PAK5: variants seen among roughly 807,000 people sequenced by gnomAD.
The protein encoded by PAK5 is p21 (RAC1) activated kinase 5, also known as serine/threonine-protein kinase PAK 5.
Under a neutral mutation model 65.9 loss-of-function variants are expected in PAK5, and 16 were observed. That is an observed-to-expected ratio of 0.24 (90% CI 0.16 to 0.37). The LOEUF is 0.37. Among genes scored for constraint, PAK5 ranks in the 10% least tolerant of loss-of-function variants. The pLI is 1.00. For synonymous variants in PAK5, 371 were observed against 354.9 expected (o/e 1.05, Z -0.51); for missense variants, 785 against 903.9 (o/e 0.87, Z 1.69).
chr20:9,783,567 C>G (rs1043750174), intron 1 of PAK5, among the ~76,000 whole-genome samples: 1 of 152,136 alleles, frequency 6.6e-6, no homozygotes, highest in African/African-American at 2.4e-5. Context: ...AAATAAATCT[C>G]AAGAAGGTTA....
At chr20:9,588,148 G>C (rs1361419530) in intron 3 of PAK5, among the ~76,000 whole-genome samples, 3 of 151,220 alleles carry the variant, frequency 2.0e-5, no homozygotes, top group Non-Finnish European at 4.4e-5. Context: ...AAGCCTTAGA[G>C]TTATTGATGA....
chr20:9,741,611 CT>C (rs1003471997), intron 1 of PAK5, among the ~76,000 whole-genome samples: 1 of 152,100 alleles, frequency 6.6e-6, no homozygotes, highest in African/African-American at 2.4e-5. Flanking sequence ...AGATTAATAC[CT>C]GTCCAGACTA....
chr20:9,621,532 A>T (rs219868), intron 3 of PAK5, among the ~76,000 whole-genome samples: 140,308 of 150,330 alleles, frequency 0.93, 65,581 homozygotes, highest in East Asian at 1. Context: ...AAAAAAAAAA[A>T]AAAAAATACT....
At position 9,814,143 on chromosome 20, in the gene PAK5, G is replaced by T. The variant is rs142937539; in HGVS notation, c.-162+24619C>A. Among the ~76,000 whole-genome samples, 1,364 of 152,156 alleles carry T rather than the reference G, an allele frequency of 9.0e-3. 12 individuals are homozygous for T. Among genetic ancestry groups the T allele is most frequent in the Non-Finnish European group, 0.012 (810 of 68,000 alleles). ...GACTTCAACAGGATGGCCAGGCAGA[G>T]AATGGTATGAGATGAAGTGGGAAGA... On this transcript the variant is annotated intron_variant, in intron 1 of 9. Transcript: ENST00000353224.
intron 3 of PAK5, among the ~76,000 whole-genome samples, chr20:9,627,658 A>G (rs538556835): frequency 6.6e-6 from 1 of 151,092 alleles, no homozygotes; most frequent in Non-Finnish European, 1.5e-5. Flanking sequence ...ATGGAGTCTC[A>G]CTCTGTCACT....
At chr20:9,766,113 T>G (rs1272878231) in intron 1 of PAK5, among the ~76,000 whole-genome samples, 1 of 151,384 alleles carries the variant, frequency 6.6e-6, no homozygotes, top group Non-Finnish European at 1.5e-5. Flanking sequence ...TCCCAGCTAC[T>G]CGGGAGGCTG....
chr20:9,680,130 A>C (rs527407225), intron 2 of PAK5, among the ~76,000 whole-genome samples: 1 of 152,262 alleles, frequency 6.6e-6, no homozygotes, highest in Non-Finnish European at 1.5e-5. Flanking sequence ...CACTGATTAA[A>C]CAATGGCTAC....
At position 9,809,107 on chromosome 20, in the gene PAK5, C is replaced by T. The variant is rs370717982; in HGVS notation, c.-162+29655G>A. ...GCTACTTCTGGAAGGGAGATGGGTG[C>T]CCTTGCCAGTGTGGGAAACATCATC... is the stretch of plus-strand genomic sequence containing the variant. On this transcript the variant is annotated intron_variant, in intron 1 of 9. Transcript: ENST00000353224. 1.9e-4 allele frequency among the ~76,000 whole-genome samples: 29 copies of T among 152,078 alleles called. 1 individual carries two copies. Among genetic ancestry groups the T allele is most frequent in the African/African-American group, 4.3e-4 (18 of 41,490 alleles).
chr20:9,822,026 C>A (rs141459896), intron 1 of PAK5, among the ~76,000 whole-genome samples: 3 of 152,226 alleles, frequency 2.0e-5, no homozygotes, highest in Non-Finnish European at 4.4e-5. Context: ...TGGTGGCTTA[C>A]GCCTATAATC....
intron 2 of PAK5, among the ~76,000 whole-genome samples, chr20:9,675,300 G>T (rs1431058501): frequency 3.3e-5 from 5 of 152,142 alleles, no homozygotes; most frequent in African/African-American, 1.2e-4. Flanking sequence ...AAGCACAGAG[G>T]AGATTCTTTT....
At chr20:9,632,600 C>A (rs772722856) in intron 3 of PAK5, among the ~76,000 whole-genome samples, 1 of 152,176 alleles carries the variant, frequency 6.6e-6, no homozygotes, top group Non-Finnish European at 1.5e-5. Flanking sequence ...ATGTCCTTGT[C>A]AGATTCTCAA....
chr20:9,806,571 C>T (rs541618709), intron 1 of PAK5, among the ~76,000 whole-genome samples: 82 of 152,178 alleles, frequency 5.4e-4, no homozygotes, highest in African/African-American at 1.9e-3. Context: ...GCTTTCCCAT[C>T]GAAAATGAGT....
At chr20:9,586,482 C>CTATAGA (rs1376363342) in intron 3 of PAK5, among the ~76,000 whole-genome samples, 2 of 152,026 alleles carry the variant, frequency 1.3e-5, no homozygotes, top group African/African-American at 2.4e-5. Context: ...CCTAAAATAT[C>CTATAGA]TATAGATGGA....
chr20:9,570,252 T>C lies in PAK5; in HGVS notation c.991-3868A>G, dbSNP rs568676764. Among the ~76,000 whole-genome samples, 8 of 152,288 alleles carry C rather than the reference T, an allele frequency of 5.3e-5. No homozygotes were observed. The South Asian group carries it at 1.7e-3, about 32-fold the overall frequency. ...ACAGTAATGAGAATGCAAAATAAAA[T>C]AAATAGTAACTGCAATATTATCAAA... On this transcript the variant is annotated intron_variant, in intron 4 of 9. Transcript: ENST00000353224.
At chr20:9,602,161 C>T (rs2046371674) in intron 3 of PAK5, among the ~76,000 whole-genome samples, 2 of 151,824 alleles carry the variant, frequency 1.3e-5, no homozygotes, top group Non-Finnish European at 2.9e-5. Flanking sequence ...TGTGGTGGTG[C>T]ACTCCTGTAG....
At position 9,780,457 on chromosome 20, in the gene PAK5, T is replaced by C. The variant is rs543620868; in HGVS notation, c.-162+58305A>G. Among the ~76,000 whole-genome samples, 13 of 152,214 alleles carry C rather than the reference T, an allele frequency of 8.5e-5. No homozygotes were observed. The East Asian group carries it at 2.5e-3, about 29-fold the overall frequency. On this transcript the variant is annotated intron_variant, in intron 1 of 9. Coordinates refer to ENST00000353224, the MANE Select transcript of PAK5 (RefSeq NM_177990.4). ...ATTTTCTTAATCAAAAGCAAAATGT[T>C]ATCCATGTCTTGGAAGATGCTGAGA... is the stretch of plus-strand genomic sequence containing the variant.
chr20:9,728,374 C>T lies in PAK5; in HGVS notation c.-161-16939G>A, dbSNP rs141938609. ...CACAAATAAACTAAAATAAGAGGTGCGCTGTTTGCTACTGGGGTGTCATTA... is the reference window on the plus strand; with the variant it reads ...CACAAATAAACTAAAATAAGAGGTGTGCTGTTTGCTACTGGGGTGTCATTA... On this transcript the variant is annotated intron_variant, in intron 1 of 9. Coordinates refer to ENST00000353224, the MANE Select transcript of PAK5 (RefSeq NM_177990.4). Among the ~76,000 whole-genome samples, 280 of 152,224 alleles carry T rather than the reference C, an allele frequency of 1.8e-3. 2 individuals are homozygous for T. Among genetic ancestry groups the T allele is most frequent in the African/African-American group, 6.4e-3 (265 of 41,542 alleles).
intron 1 of PAK5, among the ~76,000 whole-genome samples, chr20:9,791,391 G>A (rs1006912610): frequency 3.3e-5 from 5 of 152,034 alleles, no homozygotes; most frequent in Non-Finnish European, 7.4e-5. Flanking sequence ...CCCAAAGCAG[G>A]ACCTTGGGCA....
intron 1 of PAK5, among the ~76,000 whole-genome samples, chr20:9,821,355 T>C (rs1600410466): frequency 6.6e-6 from 1 of 152,136 alleles, no homozygotes; most frequent in African/African-American, 2.4e-5. Flanking sequence ...CACTCCAGCC[T>C]GGGCAACAGA....
Sources: allele counts gnomAD v4.1 joint callset (sites outside exome capture counted in the v4.1 genomes callset), GRCh38; gene constraint gnomAD v4.1.1; transcripts MANE v1.5; gene names NCBI Gene and HGNC (gene_info 2026-07-23, HGNC 2026-07-21).